The following LIMCH1 variants were observed in gnomAD, a reference collection of about 807,000 sequenced individuals.
LIMCH1 encodes LIM and calponin homology domains-containing protein 1.
LIMCH1 carries 113 observed loss-of-function variants against 176.5 expected under a neutral mutation model. The ratio of observed to expected loss-of-function variants is 0.64; its 90% CI spans 0.55 to 0.75. The LOEUF (loss-of-function observed/expected upper bound fraction) is 0.75. LIMCH1 is among the 30% of genes least tolerant of loss of function. LIMCH1 has a pLI of 0.00. For missense variants in LIMCH1, 1,674 were observed against 1,814.9 expected (o/e 0.92, Z 1.41); for synonymous variants, 619 against 645.9 (o/e 0.96, Z 0.63).
At chr4:41,660,574 A>C (rs2094585487) in intron 18 of LIMCH1, among the ~76,000 whole-genome samples, 1 of 152,216 alleles carries the variant, frequency 6.6e-6, no homozygotes. Flanking sequence ...GCAAATGATG[A>C]ATATTCATGA....
chr4:41,393,478 T>C (rs1008978537), intron 1 of LIMCH1, among the ~76,000 whole-genome samples: 2 of 152,254 alleles, frequency 1.3e-5, no homozygotes, highest in African/African-American at 4.8e-5. Flanking sequence ...TTATGGGTCC[T>C]AAAAGGCAAT....
At chr4:41,411,031 A>G (rs544629791) in intron 1 of LIMCH1, among the ~76,000 whole-genome samples, 2 of 152,310 alleles carry the variant, frequency 1.3e-5, no homozygotes, top group South Asian at 2.1e-4. Flanking sequence ...TTATTACGTT[A>G]GACTCCATTG....
At chr4:41,412,569 A>G (rs556491965) in intron 1 of LIMCH1, among the ~76,000 whole-genome samples, 84 of 152,318 alleles carry the variant, frequency 5.5e-4, no homozygotes, top group Non-Finnish European at 1.1e-3. Context: ...GTCAGTTTAT[A>G]TATGTATGCA....
chr4:41,451,581 G>A (rs2063890761), intron 1 of LIMCH1, among the ~76,000 whole-genome samples: 1 of 152,074 alleles, frequency 6.6e-6, no homozygotes, highest in South Asian at 2.1e-4. Context: ...TGGAGTGCTG[G>A]TTCAGGAATA....
At chr4:41,404,612 T>G (rs975957529) in intron 1 of LIMCH1, among the ~76,000 whole-genome samples, 3 of 152,048 alleles carry the variant, frequency 2.0e-5, no homozygotes, top group Non-Finnish European at 4.4e-5. Flanking sequence ...ACCCCGTCTC[T>G]ACTAAAAATA....
At chr4:41,530,336 G>GA (rs1179518295) in intron 3 of LIMCH1, among the ~76,000 whole-genome samples, 9 of 152,192 alleles carry the variant, frequency 5.9e-5, no homozygotes, top group Non-Finnish European at 1.0e-4. Flanking sequence ...TAGCTGTCAA[G>GA]AAAAGGTTTC....
At chr4:41,458,270 T>G (rs1026979044) in intron 1 of LIMCH1, among the ~76,000 whole-genome samples, 1 of 152,308 alleles carries the variant, frequency 6.6e-6, no homozygotes, top group East Asian at 1.9e-4. Flanking sequence ...TTCCAATTTA[T>G]TTGCTACTAC....
chr4:41,668,834 G>A (rs951067362), intron 21 of LIMCH1, among the ~76,000 whole-genome samples: 4 of 152,264 alleles, frequency 2.6e-5, no homozygotes, highest in South Asian at 2.1e-4. Context: ...GAAGAGCAAC[G>A]GGACATCTTA....
intron 1 of LIMCH1, among the ~76,000 whole-genome samples, chr4:41,493,124 CT>C (rs1342795487): frequency 6.6e-6 from 1 of 151,962 alleles, no homozygotes; most frequent in Non-Finnish European, 1.5e-5. Context: ...TTGGATCCTG[CT>C]TTTTTAGCCA....
At chr4:41,367,704 AAAGG>A (rs1220729754) in intron 1 of LIMCH1, among the ~76,000 whole-genome samples, 4 of 149,722 alleles carry the variant, frequency 2.7e-5, no homozygotes, top group African/African-American at 7.4e-5. Flanking sequence ...AAAAAAAAAA[AAAGG>A]AAAGAAAAAT....
intron 1 of LIMCH1, among the ~76,000 whole-genome samples, chr4:41,476,243 G>C (rs962630097): frequency 1.3e-5 from 2 of 152,168 alleles, no homozygotes; most frequent in African/African-American, 4.8e-5. Context: ...TTTGTTGGTT[G>C]GTTGGTTAAA....
chr4:41,508,793 G>A (rs771176502), intron 2 of LIMCH1, among the ~76,000 whole-genome samples: 8 of 152,184 alleles, frequency 5.3e-5, no homozygotes, highest in Non-Finnish European at 7.3e-5. Flanking sequence ...GTAGATATCA[G>A]TTTGAGCAAA....
intron 1 of LIMCH1, among the ~76,000 whole-genome samples, chr4:41,452,083 TG>T (rs1333621410): frequency 6.6e-6 from 1 of 152,214 alleles, no homozygotes; most frequent in Non-Finnish European, 1.5e-5. Context: ...AGCTCTAGTC[TG>T]TAGAGCCTCT....
chr4:41,598,324 C>A (rs1043728104), intron 1 of LIMCH1, among the ~76,000 whole-genome samples: 1 of 152,126 alleles, frequency 6.6e-6, no homozygotes, highest in African/African-American at 2.4e-5. Context: ...TCTTGACAGT[C>A]TTTTGCATTA....
intron 3 of LIMCH1, among the ~76,000 whole-genome samples, chr4:41,526,791 A>G (rs555362717): frequency 2.5e-4 from 38 of 152,228 alleles, no homozygotes; most frequent in Non-Finnish European, 4.6e-4. Flanking sequence ...CTATTTCCCA[A>G]TGTAAGTGAA....
intron 1 of LIMCH1, among the ~76,000 whole-genome samples, chr4:41,379,337 G>A (rs1358220740): frequency 6.6e-6 from 1 of 152,178 alleles, no homozygotes; most frequent in Non-Finnish European, 1.5e-5. Flanking sequence ...TCCCTGTGGG[G>A]CTGCTTGTGT....
intron 21 of LIMCH1, among the ~76,000 whole-genome samples, chr4:41,667,029 C>T (rs192560372): frequency 6.0e-4 from 92 of 152,138 alleles, no homozygotes; most frequent in African/African-American, 1.6e-3. Context: ...ATCGCTTGAA[C>T]CCAGGAGGCT....
intron 18 of LIMCH1, among the ~76,000 whole-genome samples, chr4:41,660,127 C>T (rs1182533190): frequency 6.6e-6 from 1 of 151,948 alleles, no homozygotes; most frequent in Non-Finnish European, 1.5e-5. Context: ...TACATGTAAA[C>T]ATCAAACTAT....
intron 1 of LIMCH1, among the ~76,000 whole-genome samples, chr4:41,489,757 T>A (rs776308400): frequency 9.2e-5 from 14 of 151,874 alleles, no homozygotes; most frequent in African/African-American, 1.9e-4. Context: ...CTTGAAAAAA[T>A]ATATATATAG....
Sources: allele counts gnomAD v4.1 joint callset (sites outside exome capture counted in the v4.1 genomes callset), GRCh38; gene constraint gnomAD v4.1.1; transcripts MANE v1.5; gene names NCBI Gene and HGNC (gene_info 2026-07-23, HGNC 2026-07-21).